Variants in ELP4 observed in about 807,000 individuals in gnomAD.
The protein encoded by ELP4 is elongator acetyltransferase complex subunit 4, also known as elongator complex protein 4.
ELP4 carries 51 observed loss-of-function variants against 48.9 expected under a neutral mutation model. That is an observed-to-expected ratio of 1.04 (90% CI 0.83 to 1.32). The LOEUF (loss-of-function observed/expected upper bound fraction) is 1.32, where lower values mean the gene tolerates loss of function less well. Among genes scored for constraint, ELP4 ranks in the 40% most tolerant of loss-of-function variants. The pLI is 0.00. For synonymous variants in ELP4, 210 were observed against 189.2 expected (o/e 1.11, Z -0.90); for missense variants, 519 against 514.6 (o/e 1.01, Z -0.08).
intron 3 of ELP4, among the ~76,000 whole-genome samples, chr11:31,568,983 G>A (rs946899805): frequency 1.3e-5 from 2 of 152,012 alleles, no homozygotes; most frequent in African/African-American, 4.8e-5. Context: ...TACCCTGGAA[G>A]CTGAGGTGGG....
intron 5 of ELP4, among the ~76,000 whole-genome samples, chr11:31,608,938 G>C (rs1957926684): frequency 6.6e-6 from 1 of 152,116 alleles, no homozygotes; most frequent in Non-Finnish European, 1.5e-5. Context: ...ATAGGGCCAA[G>C]GGTCCTGGGC....
At chr11:31,603,938 C>G (rs1229869905) in intron 5 of ELP4, 31 bp downstream of exon 5, 1 of 1,590,408 alleles carries the variant, frequency 6.3e-7, no homozygotes. Context: ...ATAACAAAAT[C>G]TGATTTCAAA....
chr11:31,675,294 C>T (rs950898805), intron 9 of ELP4, among the ~76,000 whole-genome samples: 9 of 150,122 alleles, frequency 6.0e-5, no homozygotes, highest in East Asian at 3.9e-4. Flanking sequence ...GACGGAGTTT[C>T]GCTCTTGTTG....
At chr11:31,576,606 G>T (rs1957283671) in intron 3 of ELP4, among the ~76,000 whole-genome samples, 1 of 152,164 alleles carries the variant, frequency 6.6e-6, no homozygotes, top group South Asian at 2.1e-4. Flanking sequence ...AGACCATAGT[G>T]CAATCAAACT....
intron 9 of ELP4, among the ~76,000 whole-genome samples, chr11:31,781,397 C>G (rs1948371872): frequency 6.6e-6 from 1 of 150,684 alleles, no homozygotes; most frequent in African/African-American, 2.4e-5. Context: ...TTCCGTCCTG[C>G]TTCCTCACGT....
rs1441961593 is a variant in ELP4, at chr11:31,784,703, T to G, written c.*1179T>G. The stretch of plus-strand genomic sequence containing the variant: ...ATACTTTATTTGTTCTTGACAACAT[T>G]GTAGAAAACAAAGACTAGGTTTTTA... On this transcript the variant is annotated 3_prime_UTR_variant, in exon 10 of 10. Coordinates refer to ENST00000640961, the MANE Select transcript of ELP4 (RefSeq NM_019040.5). 2 of 160,736 alleles carry G rather than the reference T, an allele frequency of 1.2e-5. No individual in the cohort carries two copies. Among genetic ancestry groups the G allele is most frequent in the African/African-American group, 4.8e-5 (2 of 41,772 alleles). 10.0% of individuals were successfully genotyped at this position (160,736 alleles called of 1,614,324 possible).
intron 3 of ELP4, among the ~76,000 whole-genome samples, chr11:31,546,786 T>C (rs1477473739): frequency 6.6e-6 from 1 of 152,004 alleles, no homozygotes; most frequent in East Asian, 1.9e-4. Context: ...ACAAACTGTC[T>C]CTCAGACCAC....
intron 9 of ELP4, among the ~76,000 whole-genome samples, chr11:31,734,659 A>G (rs940412836): frequency 6.6e-6 from 1 of 152,246 alleles, no homozygotes; most frequent in Admixed American, 6.5e-5. Context: ...TTCACCAAGA[A>G]GGCAAAAGTA....
chr11:31,528,929 T>A (rs1956344782), intron 2 of ELP4, among the ~76,000 whole-genome samples: 1 of 152,090 alleles, frequency 6.6e-6, no homozygotes, highest in Admixed American at 6.6e-5. Context: ...GTTTTAGTGT[T>A]GTCATAGACA....
intron 3 of ELP4, among the ~76,000 whole-genome samples, chr11:31,586,822 A>G (rs892646751): frequency 6.6e-6 from 1 of 151,928 alleles, no homozygotes; most frequent in Non-Finnish European, 1.5e-5. Flanking sequence ...TTGTATTTTT[A>G]GTAGAGACGG....
intron 9 of ELP4, among the ~76,000 whole-genome samples, chr11:31,746,794 C>G (rs541159142): frequency 6.6e-6 from 1 of 151,892 alleles, no homozygotes; most frequent in South Asian, 2.1e-4. Context: ...TGCTAAATGA[C>G]GAGTTAATGG....
chr11:31,665,111 G>C (rs1945643713), intron 9 of ELP4, among the ~76,000 whole-genome samples: 1 of 152,118 alleles, frequency 6.6e-6, no homozygotes, highest in African/African-American at 2.4e-5. Context: ...CCAAGCGGCA[G>C]TTTGGAGCTG....
At chr11:31,685,382 A>G (rs1457347994) in intron 9 of ELP4, among the ~76,000 whole-genome samples, 1 of 151,880 alleles carries the variant, frequency 6.6e-6, no homozygotes, top group Non-Finnish European at 1.5e-5. Flanking sequence ...AGCAAAGGAA[A>G]TTTAATTGAA....
intron 2 of ELP4, among the ~76,000 whole-genome samples, chr11:31,534,772 T>G (rs929382540): frequency 3.3e-5 from 5 of 152,370 alleles, no homozygotes; most frequent in Middle Eastern, 6.8e-3. Flanking sequence ...CAGGTTTGTT[T>G]CTTATATCGA....
chr11:31,610,854 C>A (rs1397168671), intron 5 of ELP4, among the ~76,000 whole-genome samples: 2 of 152,150 alleles, frequency 1.3e-5, no homozygotes, highest in African/African-American at 4.8e-5. Flanking sequence ...TAATCTCAGT[C>A]ATCTCCTCCA....
intron 3 of ELP4, among the ~76,000 whole-genome samples, chr11:31,567,084 C>T (rs1957125229): frequency 6.6e-6 from 1 of 152,024 alleles, no homozygotes; most frequent in African/African-American, 2.4e-5. Context: ...GCATGCGCCA[C>T]CACCGCACCT....
intron 9 of ELP4, among the ~76,000 whole-genome samples, chr11:31,660,247 T>C (rs1945526479): frequency 6.6e-6 from 1 of 152,132 alleles, no homozygotes; most frequent in Admixed American, 6.6e-5. Flanking sequence ...TTCTGCCGGA[T>C]CCATAAGAAA....
chr11:31,551,804 G>A (rs1956857870), intron 3 of ELP4, among the ~76,000 whole-genome samples: 1 of 152,042 alleles, frequency 6.6e-6, no homozygotes, highest in Admixed American at 6.6e-5. Flanking sequence ...TCAGCAACTT[G>A]TTTGTACATT....
intron 9 of ELP4, among the ~76,000 whole-genome samples, chr11:31,752,805 G>A (rs2134241292): frequency 6.8e-6 from 1 of 146,392 alleles, no homozygotes; most frequent in East Asian, 2.0e-4. Flanking sequence ...CTGAACTCCA[G>A]CCTGGACGAC....
Sources: gnomAD v4.1 joint callset for allele counts (sites outside exome capture counted in the v4.1 genomes callset) on GRCh38, gnomAD v4.1.1 for gene constraint, MANE v1.5 for transcripts, NCBI Gene and HGNC (gene_info 2026-07-23, HGNC 2026-07-21) for gene names.